Variants in NRF1 observed in about 807,000 individuals in gnomAD.
NRF1 encodes alpha palindromic-binding protein.
NRF1 carries 5 observed loss-of-function variants against 58.5 expected under a neutral mutation model. That is an observed-to-expected ratio of 0.09 (90% CI 0.04 to 0.18). The LOEUF (loss-of-function observed/expected upper bound fraction) is 0.18. NRF1 is among the 10% of genes least tolerant of loss of function. The pLI is 1.00. For missense variants in NRF1, 288 were observed against 657.7 expected, an observed-to-expected ratio of 0.44 and a Z score of 6.15; for synonymous variants, 224 against 246.7, an observed-to-expected ratio of 0.91 and a Z score of 0.86.
intron 2 of NRF1, among the ~76,000 whole-genome samples, chr7:129,658,660 G>A (rs567664673): frequency 6.6e-6 from 1 of 151,666 alleles, no homozygotes; most frequent in Admixed American, 6.6e-5. Context: ...CCTCTACAGG[G>A]ATAATACAAA....
intron 10 of NRF1, among the ~76,000 whole-genome samples, chr7:129,740,786 G>A (rs1198250114): frequency 2.0e-5 from 3 of 152,138 alleles, no homozygotes; most frequent in African/African-American, 7.2e-5. Context: ...TTATAACCTG[G>A]GGTGGCCTCG....
intron 9 of NRF1, among the ~76,000 whole-genome samples, chr7:129,720,137 T>C (rs956038139): frequency 6.6e-6 from 1 of 152,148 alleles, no homozygotes; most frequent in African/African-American, 2.4e-5. Context: ...AATAAAGAGA[T>C]GTTGAAATCT....
intron 1 of NRF1, among the ~76,000 whole-genome samples, chr7:129,653,093 G>T (rs1801573994): frequency 6.6e-6 from 1 of 152,096 alleles, no homozygotes; most frequent in East Asian, 1.9e-4. Context: ...TGTACTCCCA[G>T]CCCCTGGCGA....
chr7:129,686,641 C>T (rs1437617636), intron 4 of NRF1, among the ~76,000 whole-genome samples: 1 of 152,166 alleles, frequency 6.6e-6, no homozygotes, highest in Non-Finnish European at 1.5e-5. Context: ...GTGCTTGGCA[C>T]AAAGTAAGTG....
chr7:129,634,043 G>T (rs4256540), intron 1 of NRF1, among the ~76,000 whole-genome samples: 49,589 of 102,652 alleles, frequency 0.48, 9,551 homozygotes, highest in African/African-American at 0.52. Flanking sequence ...AAAAAAAAAA[G>T]ATATATATAT....
chr7:129,714,606 G>A (rs1156881036), intron 8 of NRF1, among the ~76,000 whole-genome samples: 1 of 152,188 alleles, frequency 6.6e-6, no homozygotes, highest in Non-Finnish European at 1.5e-5. Context: ...AAGAGCTTTG[G>A]AGTTCCTGAG....
intron 1 of NRF1, among the ~76,000 whole-genome samples, chr7:129,612,461 C>T (rs1250045925): frequency 6.6e-6 from 1 of 152,204 alleles, no homozygotes; most frequent in Non-Finnish European, 1.5e-5. Context: ...GAATATGGCG[C>T]GTTGCCCACC....
At chr7:129,619,543 T>G (rs1800745369) in intron 1 of NRF1, among the ~76,000 whole-genome samples, 1 of 142,030 alleles carries the variant, frequency 7.0e-6, no homozygotes, top group Non-Finnish European at 1.5e-5. Flanking sequence ...CATGATAGTT[T>G]AGACAGAATA....
At chr7:129,727,428 G>T (rs2116251176) in intron 10 of NRF1, 63 bp downstream of exon 10, 2 of 1,509,522 alleles carry the variant, frequency 1.3e-6, no homozygotes, top group Admixed American at 2.4e-5. Flanking sequence ...TTCCTGACAT[G>T]ACTGGCAACA....
Position 129,710,388 on chromosome 7 carries a change from G to T in NRF1, c.780G>T (p.Gln260His), listed in dbSNP as rs746065695. Reference protein sequence around the residue: ...EEQKQRVSWTQALRTIVKNCY... With the variant: ...EEQKQRVSWTHALRTIVKNCY... ...TTTGGTGACAGGTTTCATGGACCCA[G>T]GCACTACGGACCATAGTTAAAAACT... is the stretch of plus-strand genomic sequence containing the variant. Residue 260 changes from glutamine to histidine, a missense_variant, in exon 7 of 11, where the codon CAG becomes CAT. Physicochemically the swap from Gln to His is conservative, Grantham distance 24. Coordinates refer to ENST00000393232, the MANE Select transcript of NRF1 (RefSeq NM_005011.5). The T allele has an allele frequency of 1.2e-6, 2 of 1,614,198 alleles. No individual in the cohort carries two copies. The highest frequency in any genetic ancestry group is 2.2e-5 in the South Asian group (2 of 91,088).
At chr7:129,643,381 G>C (rs1403228093) in intron 1 of NRF1, among the ~76,000 whole-genome samples, 1 of 152,164 alleles carries the variant, frequency 6.6e-6, no homozygotes, top group Non-Finnish European at 1.5e-5. Context: ...ATTTGAGACT[G>C]GGGGGCGGGA....
chr7:129,653,488 C>T (rs1196534124), intron 1 of NRF1, among the ~76,000 whole-genome samples: 1 of 152,162 alleles, frequency 6.6e-6, no homozygotes, highest in Non-Finnish European at 1.5e-5. Flanking sequence ...ATTAGGGTTC[C>T]CTCATGGTAT....
At chr7:129,712,874 A>G (rs1456994212) in intron 8 of NRF1, among the ~76,000 whole-genome samples, 1 of 152,212 alleles carries the variant, frequency 6.6e-6, no homozygotes, top group Admixed American at 6.5e-5. Flanking sequence ...CCAGAACACT[A>G]GAACAAGATG....
chr7:129,657,395 T>C lies in NRF1; in HGVS notation c.44T>C (p.Ile15Thr), dbSNP rs776912751. 13 of 1,614,008 alleles carry C rather than the reference T, an allele frequency of 8.1e-6. No individual in the cohort carries two copies. Among genetic ancestry groups the C allele is most frequent in the African/African-American group, 1.3e-5 (1 of 74,902 alleles). Residue 15 changes from isoleucine to threonine, a missense_variant, in exon 2 of 11, where the codon ATA becomes ACA. Physicochemically the swap from Ile to Thr is moderately conservative, Grantham distance 89. Transcript: ENST00000393232. ...GVTQTEHMAT[I>T]EAHAVAQQVQ... ...ACCCAAACCGAACATATGGCTACCATAGAAGCACATGCAGTGGCCCAGCAA... is the reference window on the plus strand; with the variant it reads ...ACCCAAACCGAACATATGGCTACCACAGAAGCACATGCAGTGGCCCAGCAA...
chr7:129,640,922 CTTTGGGAACCAAAGTAAACAG>C (rs1801274951), intron 1 of NRF1, among the ~76,000 whole-genome samples: 1 of 152,184 alleles, frequency 6.6e-6, no homozygotes, highest in Admixed American at 6.5e-5. Flanking sequence ...AAGATTATAT[CTTTGGGAACCAAAGTAAACAG>C]TTCCAGATTT....
rs1365990558 is a variant in NRF1, at chr7:129,755,062, A to G, written c.1393A>G (p.Ser465Gly). The change falls in exon 11 of 11, where the codon AGC becomes GGC. Residue 465 changes from serine to glycine, a missense_variant. Ser to Gly is a moderately conservative substitution (Grantham distance 56). This residue lies in a region of NRF1 where 212 missense variants were observed against 559.7 expected (regional missense o/e 0.38). Coordinates refer to ENST00000393232, the MANE Select transcript of NRF1 (RefSeq NM_005011.5). The surrounding 1 kb of genome is among the most constrained non-coding windows in gnomAD (Gnocchi z 5.8). ...GAGCATGTACCAGACTGTGGTGACCAGCCTCGCCCAGGGCAACGGACCAGT... is the reference window on the plus strand; with the variant it reads ...GAGCATGTACCAGACTGTGGTGACCGGCCTCGCCCAGGGCAACGGACCAGT... ...PVSMYQTVVT[S>G]LAQGNGPVQV... 1 of 1,613,598 alleles carries G rather than the reference A, an allele frequency of 6.2e-7. No homozygotes were observed. The highest frequency in any genetic ancestry group is 8.5e-7 in the Non-Finnish European group (1 of 1,179,890).
chr7:129,742,287 A>C (rs572486783), intron 10 of NRF1, among the ~76,000 whole-genome samples: 41 of 151,640 alleles, frequency 2.7e-4, no homozygotes, highest in Admixed American at 1.0e-3. Flanking sequence ...AAAAAAAAAA[A>C]AAAAACAAAA....
chr7:129,625,561 C>T (rs1800893844), intron 1 of NRF1, among the ~76,000 whole-genome samples: 1 of 151,796 alleles, frequency 6.6e-6, no homozygotes, highest in Non-Finnish European at 1.5e-5. Context: ...AGTGCAGTGG[C>T]TCAGTCATGG....
Position 129,663,798 on chromosome 7 carries a change from C to T in NRF1, c.223+6224C>T, listed in dbSNP as rs192813730. Among the ~76,000 whole-genome samples the T allele has an allele frequency of 2.0e-3, 299 of 152,260 alleles. 1 individual carries two copies. The highest frequency in any genetic ancestry group is 6.6e-3 in the African/African-American group (275 of 41,542). On this transcript the variant is annotated intron_variant, in intron 2 of 10. Transcript: ENST00000393232. ...GGCAGCTGGGAGGTGGAGGTTGTAG[C>T]GAGCCAAGATCACGCCACTGTACTC...
Sources: allele counts gnomAD v4.1 joint callset (sites outside exome capture counted in the v4.1 genomes callset), GRCh38; gene constraint gnomAD v4.1.1; regional missense constraint gnomAD v4.1.1; non-coding constraint Gnocchi (gnomAD v3.1); transcripts MANE v1.5; gene names NCBI Gene and HGNC (gene_info 2026-07-23, HGNC 2026-07-21).